Variants in CTNNA2 observed in about 807,000 individuals in gnomAD.
CTNNA2 encodes catenin alpha-2.
A neutral mutation model predicts 101.0 loss-of-function variants in CTNNA2; 42 were observed. The observed-to-expected ratio is 0.42, with a 90% CI of 0.32 to 0.54. The LOEUF (loss-of-function observed/expected upper bound fraction) is 0.54. Among genes scored for constraint, CTNNA2 ranks in the 20% least tolerant of loss-of-function variants. The pLI, the probability that CTNNA2 is intolerant of heterozygous loss-of-function variation, is 0.14. For synonymous variants in CTNNA2, 450 were observed against 456.4 expected, an observed-to-expected ratio of 0.99 and a Z score of 0.18; for missense variants, 871 against 1,223.1, an observed-to-expected ratio of 0.71 and a Z score of 4.29.
intron 3 of CTNNA2, among the ~76,000 whole-genome samples, chr2:79,338,287 T>C (rs1441536300): frequency 6.9e-6 from 1 of 144,128 alleles, no homozygotes; most frequent in African/African-American, 2.5e-5. Flanking sequence ...GTTACAAGAA[T>C]GTGTGTGTGT....
At chr2:79,258,330 C>A (rs1330068055) in intron 2 of CTNNA2, among the ~76,000 whole-genome samples, 1 of 152,108 alleles carries the variant, frequency 6.6e-6, no homozygotes, top group Non-Finnish European at 1.5e-5. Context: ...TGTATCCATG[C>A]GACCTTGGGC....
At chr2:80,184,134 A>G (rs1038855897) in intron 7 of CTNNA2, among the ~76,000 whole-genome samples, 1 of 151,800 alleles carries the variant, frequency 6.6e-6, no homozygotes, top group Non-Finnish European at 1.5e-5. Flanking sequence ...GAAATTATGC[A>G]AAAAAAACCT....
intron 7 of CTNNA2, among the ~76,000 whole-genome samples, chr2:79,981,623 A>AG (rs1691275413): frequency 6.6e-6 from 1 of 152,182 alleles, no homozygotes; most frequent in Admixed American, 6.6e-5. Context: ...AGTACACAAT[A>AG]GACTTGCTTT....
chr2:79,596,398 TTCCCCACG>T (rs1677191753), intron 1 of CTNNA2, among the ~76,000 whole-genome samples: 1 of 152,046 alleles, frequency 6.6e-6, no homozygotes, highest in Non-Finnish European at 1.5e-5. Context: ...TATATATAAG[TTCCCCACG>T]AAGAGAAAAG....
chr2:79,941,727 T>C (rs1378603196), intron 7 of CTNNA2, among the ~76,000 whole-genome samples: 1 of 152,176 alleles, frequency 6.6e-6, no homozygotes, highest in Non-Finnish European at 1.5e-5. Flanking sequence ...CAAGTGATTC[T>C]CCTGTGTCAG....
intron 7 of CTNNA2, among the ~76,000 whole-genome samples, chr2:80,244,750 T>G (rs982878385): frequency 1.3e-5 from 2 of 152,176 alleles, no homozygotes; most frequent in African/African-American, 4.8e-5. Context: ...AACCAGGCAG[T>G]ATCTTAGGGT....
chr2:80,621,770 G>A (rs903037743), intron 18 of CTNNA2, among the ~76,000 whole-genome samples: 6 of 151,562 alleles, frequency 4.0e-5, no homozygotes, highest in African/African-American at 1.2e-4. Flanking sequence ...ATAAAAAAGT[G>A]TAAAGCCTTG....
intron 4 of CTNNA2, among the ~76,000 whole-genome samples, chr2:79,485,683 C>T (rs576458251): frequency 1.8e-4 from 27 of 152,236 alleles, no homozygotes; most frequent in African/African-American, 6.0e-4. Context: ...TACTTTCATG[C>T]CTTGGTAGGT....
chr2:80,001,764 C>A (rs541543735), intron 7 of CTNNA2, among the ~76,000 whole-genome samples: 14 of 152,294 alleles, frequency 9.2e-5, no homozygotes, highest in Middle Eastern at 3.4e-3. Flanking sequence ...CTGTGCCTCA[C>A]CCCCACTGCT....
At chr2:79,363,795 A>G (rs1426567347) in intron 3 of CTNNA2, among the ~76,000 whole-genome samples, 7 of 152,196 alleles carry the variant, frequency 4.6e-5, no homozygotes, top group Admixed American at 4.6e-4. Context: ...CGAATTATAC[A>G]GCACAGTGTT....
At chr2:79,294,212 G>GA (rs1388461377) in intron 2 of CTNNA2, among the ~76,000 whole-genome samples, 1 of 137,744 alleles carries the variant, frequency 7.3e-6, no homozygotes, top group Non-Finnish European at 1.6e-5. Flanking sequence ...AGAAGAAGAA[G>GA]AGGAAGAAGA....
intron 7 of CTNNA2, among the ~76,000 whole-genome samples, chr2:80,348,977 A>C (rs1001064028): frequency 8.5e-5 from 13 of 152,168 alleles, no homozygotes; most frequent in African/African-American, 2.7e-4. Flanking sequence ...AGAAATACTA[A>C]AAGGTTATTT....
intron 7 of CTNNA2, among the ~76,000 whole-genome samples, chr2:80,263,350 A>C: frequency 6.6e-6 from 1 of 152,192 alleles, no homozygotes; most frequent in East Asian, 1.9e-4. Flanking sequence ...TTATTTATTT[A>C]TTAGATAGAG....
intron 4 of CTNNA2, among the ~76,000 whole-genome samples, chr2:79,477,936 T>C (rs1026327396): frequency 6.6e-6 from 1 of 152,216 alleles, no homozygotes; most frequent in Non-Finnish European, 1.5e-5. Flanking sequence ...TACTTCTGCA[T>C]CTTTTGTAGT....
At chr2:79,312,557 G>T (rs960213489) in intron 2 of CTNNA2, among the ~76,000 whole-genome samples, 5 of 152,142 alleles carry the variant, frequency 3.3e-5, no homozygotes, top group Non-Finnish European at 7.4e-5. Context: ...AAAACTTGGA[G>T]TAAGAAAAAT....
chr2:80,503,184 A>G (rs980446699), intron 9 of CTNNA2, among the ~76,000 whole-genome samples: 2 of 152,140 alleles, frequency 1.3e-5, no homozygotes, highest in African/African-American at 4.8e-5. Flanking sequence ...AAAAAAAACC[A>G]TAAATAAAAA....
intron 7 of CTNNA2, among the ~76,000 whole-genome samples, chr2:79,928,237 TCTCTGTC>T (rs937124593): frequency 1.2e-4 from 18 of 152,228 alleles, no homozygotes; most frequent in Non-Finnish European, 2.5e-4. Flanking sequence ...TTTAGGTTGT[TCTCTGTC>T]CTATGGCAGC....
intron 4 of CTNNA2, among the ~76,000 whole-genome samples, chr2:79,441,195 T>C (rs1220554604): frequency 6.6e-6 from 1 of 152,214 alleles, no homozygotes; most frequent in African/African-American, 2.4e-5. Context: ...ATACAAGGAA[T>C]GTATGTTGCT....
At chr2:79,532,325 G>A (rs867796916) in intron 1 of CTNNA2, among the ~76,000 whole-genome samples, 3 of 152,142 alleles carry the variant, frequency 2.0e-5, no homozygotes, top group Middle Eastern at 3.4e-3. Flanking sequence ...GCTTTGTGAC[G>A]ACTCTGACCC....
Sources: gnomAD v4.1 joint callset for allele counts (sites outside exome capture counted in the v4.1 genomes callset) on GRCh38, gnomAD v4.1.1 for gene constraint, MANE v1.5 for transcripts, NCBI Gene and HGNC (gene_info 2026-07-23, HGNC 2026-07-21) for gene names.